Variants in SMARCAD1 observed in about 807,000 individuals in gnomAD.
The protein encoded by SMARCAD1 is SNF2 related chromatin remodeling ATPase with DExD box 1.
In SMARCAD1, 25 loss-of-function variants were observed where a neutral mutation model predicts 127.1. The ratio of observed to expected loss-of-function variants is 0.20; its 90% CI spans 0.14 to 0.27. The LOEUF (loss-of-function observed/expected upper bound fraction) is 0.27. Ranked by LOEUF, SMARCAD1 falls within the 10% of genes least tolerant of loss-of-function variation. SMARCAD1 has a pLI of 1.00. For synonymous variants in SMARCAD1, 400 were observed against 396.9 expected (o/e 1.01, Z -0.09); for missense variants, 807 against 1,206.0 (o/e 0.67, Z 4.90).
rs1256746627 is a variant in SMARCAD1 at position 94,278,680 on chromosome 4, A to C, written c.2243A>C (p.Glu748Ala). The change falls in exon 18 of 24, where the codon GAG becomes GCG. Residue 748 changes from glutamate to alanine, a missense_variant. Around this residue, in one of 8 missense-constraint regions of SMARCAD1, gnomAD observed 99 missense variants for 126.0 expected, o/e 0.79. Coordinates refer to ENST00000354268, the MANE Select transcript of SMARCAD1 (RefSeq NM_020159.5). ...TTGTGTGCAATGTCGGAGAAGCAGG[A>C]GCAACTCTATTTGGGTCTTTTCAAC... ...IELCAMSEKQ[E>A]QLYLGLFNRL... 1.9e-6 allele frequency: 3 copies of C among 1,613,944 alleles called. No individual in the cohort carries two copies. In the Admixed American group the frequency reaches 5.0e-5, roughly 27 times the overall value.
At chr4:94,224,138 A>G (rs114170690) in intron 2 of SMARCAD1, among the ~76,000 whole-genome samples, 1,599 of 152,244 alleles carry the variant, frequency 0.011, 25 homozygotes, top group African/African-American at 0.036. Flanking sequence ...GTTTATGGCA[A>G]TTAACATGGA....
intron 19 of SMARCAD1, among the ~76,000 whole-genome samples, chr4:94,279,760 A>G (rs1359796464): frequency 1.3e-5 from 2 of 152,012 alleles, no homozygotes; most frequent in Admixed American, 6.6e-5. Flanking sequence ...TTATTTCTTT[A>G]TAATTTTAGC....
At chr4:94,288,628 T>A (rs950477033) in intron 23 of SMARCAD1, among the ~76,000 whole-genome samples, 1 of 152,102 alleles carries the variant, frequency 6.6e-6, no homozygotes, top group Non-Finnish European at 1.5e-5. Context: ...TAATTTTAGA[T>A]TATAGCTGAG....
chr4:94,289,430 A>G, intron 23 of SMARCAD1, 43 bp from the exon 24 acceptor site: 1 of 1,548,440 alleles, frequency 6.5e-7, no homozygotes, highest in Non-Finnish European at 8.9e-7. Flanking sequence ...TTTTTAAGTA[A>G]AATATTTTTA....
intron 2 of SMARCAD1, among the ~76,000 whole-genome samples, chr4:94,213,493 G>A (rs937065401): frequency 1.6e-4 from 25 of 152,158 alleles, no homozygotes; most frequent in Non-Finnish European, 3.5e-4. Flanking sequence ...TGGGTTGTGA[G>A]GGGCCTTTAT....
intron 2 of SMARCAD1, among the ~76,000 whole-genome samples, chr4:94,210,836 A>G (rs1191108947): frequency 2.1e-5 from 3 of 146,060 alleles, no homozygotes; most frequent in Non-Finnish European, 4.5e-5. Flanking sequence ...CAGGAGGCTG[A>G]GGCACAAGAA....
chr4:94,243,543 A>G (rs545092495), intron 6 of SMARCAD1, among the ~76,000 whole-genome samples: 72 of 152,324 alleles, frequency 4.7e-4, no homozygotes, highest in African/African-American at 1.6e-3. Flanking sequence ...TTGTCAAGTC[A>G]ATAGCTGTTT....
intron 5 of SMARCAD1, 67 bp from the exon 6 acceptor site, chr4:94,240,839 G>A (rs1359231423): frequency 8.1e-7 from 1 of 1,231,460 alleles, no homozygotes; most frequent in Non-Finnish European, 1.2e-6. Flanking sequence ...TTTTGCCTTT[G>A]TTTTACATTA....
intron 4 of SMARCAD1, among the ~76,000 whole-genome samples, chr4:94,234,864 A>G (rs1746390110): frequency 6.6e-6 from 1 of 152,170 alleles, no homozygotes. Flanking sequence ...CCATATCTGT[A>G]TGGACTAGGC....
At chr4:94,217,639 A>G (rs1201645409) in intron 2 of SMARCAD1, among the ~76,000 whole-genome samples, 1 of 152,156 alleles carries the variant, frequency 6.6e-6, no homozygotes, top group East Asian at 1.9e-4. Flanking sequence ...ATTAACTCAG[A>G]TTTTCTTTGT....
chr4:94,276,359 G>T lies in SMARCAD1; in HGVS notation c.1829G>T (p.Ser610Ile). 2 of 1,614,130 alleles carry T rather than the reference G, an allele frequency of 1.2e-6. No individual in the cohort carries two copies. Among genetic ancestry groups the T allele is most frequent in the Non-Finnish European group, 1.7e-6 (2 of 1,180,020 alleles). ...GACAGATATAACTGTGCGATCAGCA[G>T]TTCTGATGACCGTAGTCTGTTTCGA... ...IVTTYNCAIS[S>I]SDDRSLFRRL... The change falls in exon 15 of 24, where the codon AGT becomes ATT. Residue 610 changes from serine (S) to isoleucine (I), a missense_variant. Ser to Ile is a moderately radical substitution (Grantham distance 142). Transcript: ENST00000354268.
intron 23 of SMARCAD1, 65 bp from the exon 24 acceptor site, chr4:94,289,408 T>A: frequency 7.1e-7 from 1 of 1,417,078 alleles, no homozygotes; most frequent in Non-Finnish European, 9.9e-7. Context: ...AAAAAATAAT[T>A]GAGACAATTT....
At chr4:94,247,589 C>G (rs1367751578) in intron 6 of SMARCAD1, among the ~76,000 whole-genome samples, 1 of 152,156 alleles carries the variant, frequency 6.6e-6, no homozygotes, top group Non-Finnish European at 1.5e-5. Flanking sequence ...CTATTTAGTA[C>G]ATTCACAGTG....
chr4:94,240,400 A>G (rs1021429427), intron 5 of SMARCAD1, among the ~76,000 whole-genome samples: 4 of 152,186 alleles, frequency 2.6e-5, no homozygotes, highest in Admixed American at 1.3e-4. Flanking sequence ...CTGTATCTCT[A>G]TCCTCCTCAT....
In SMARCAD1 at chr4:94,216,373, C is replaced by CT. The variant is rs1157593720; in HGVS notation, c.190+7790dup. 2.0e-5 allele frequency among the ~76,000 whole-genome samples: 3 copies of CT among 152,260 alleles called. No individual in the cohort carries two copies. In the East Asian group the frequency reaches 5.8e-4, roughly 29 times the overall value. On this transcript the variant is annotated intron_variant, in intron 2 of 23. Transcript: ENST00000354268. Reference sequence around the variant, plus strand: ...GTGGTCACCTTGTTCATCCTTTCCTCTAAGTCTTCTGCATTCCGCATTACC... The same window carrying CT: ...GTGGTCACCTTGTTCATCCTTTCCTCTTAAGTCTTCTGCATTCCGCATTACC...
chr4:94,222,106 TA>T (rs142082015), intron 2 of SMARCAD1, among the ~76,000 whole-genome samples: 1 of 152,216 alleles, frequency 6.6e-6, no homozygotes, highest in African/African-American at 2.4e-5. Context: ...ACGGAGAGGG[TA>T]CCCCTCCCAG....
At chr4:94,273,572 T>A in intron 11 of SMARCAD1, 45 bp from the exon 12 acceptor site, 1 of 1,357,338 alleles carries the variant, frequency 7.4e-7, no homozygotes, top group Non-Finnish European at 1.0e-6. Flanking sequence ...GTATTTATTT[T>A]TTGTTTGTTT....
chr4:94,247,038 T>C (rs1402459792), intron 6 of SMARCAD1, among the ~76,000 whole-genome samples: 2 of 152,218 alleles, frequency 1.3e-5, no homozygotes, highest in African/African-American at 4.8e-5. Context: ...ACTTTTTGTA[T>C]AGGTCAAGGA....
chr4:94,238,321 TTCTG>T (rs1257180106), intron 5 of SMARCAD1, among the ~76,000 whole-genome samples: 4 of 152,212 alleles, frequency 2.6e-5, no homozygotes, highest in East Asian at 1.9e-4. Context: ...TGCTTGACTC[TTCTG>T]TCTTTGTTTC....
Sources: gnomAD v4.1 joint callset for allele counts (sites outside exome capture counted in the v4.1 genomes callset) on GRCh38, gnomAD v4.1.1 for gene constraint, gnomAD v4.1.1 regional missense constraint, MANE v1.5 for transcripts, NCBI Gene and HGNC (gene_info 2026-07-23, HGNC 2026-07-21) for gene names.